SCFD2: variants seen among roughly 807,000 people sequenced by gnomAD.
The protein encoded by SCFD2 is sec1 family domain-containing protein 2.
Under a neutral mutation model 58.9 loss-of-function variants are expected in SCFD2, and 54 were observed. The ratio of observed to expected loss-of-function variants is 0.92; its 90% CI spans 0.74 to 1.15. SCFD2 has a LOEUF of 1.15. Ranked by LOEUF, SCFD2 falls within the 50% of genes most tolerant of loss-of-function variation. The probability of loss-of-function intolerance (pLI) is 0.00; values close to 1 mark genes in which losing one functional copy is unlikely to be tolerated. For missense variants in SCFD2, 805 were observed against 836.6 expected (o/e 0.96, Z 0.47); for synonymous variants, 321 against 335.9 (o/e 0.96, Z 0.49).
chr4:53,116,733 T>A (rs1384870299), intron 5 of SCFD2, among the ~76,000 whole-genome samples: 1 of 152,190 alleles, frequency 6.6e-6, no homozygotes, highest in African/African-American at 2.4e-5. Flanking sequence ...ATTAATTCAG[T>A]TGGATTTTCT....
At chr4:53,105,273 A>G (rs185474653) in intron 5 of SCFD2, among the ~76,000 whole-genome samples, 3 of 151,994 alleles carry the variant, frequency 2.0e-5, no homozygotes, top group South Asian at 2.1e-4. Flanking sequence ...TTGGGCAGAC[A>G]CCGAGCTAGC....
chr4:53,124,571 C>A (rs1231765476), intron 5 of SCFD2, among the ~76,000 whole-genome samples: 1 of 152,042 alleles, frequency 6.6e-6, no homozygotes, highest in Non-Finnish European at 1.5e-5. Flanking sequence ...TTTGGCTTAT[C>A]GGGATTAGAG....
At chr4:53,302,283 C>A (rs9762074) in intron 3 of SCFD2, among the ~76,000 whole-genome samples, 2 of 152,052 alleles carry the variant, frequency 1.3e-5, no homozygotes, top group Admixed American at 1.3e-4. Context: ...GTGCAAAAAT[C>A]ACAAGCATTC....
intron 5 of SCFD2, among the ~76,000 whole-genome samples, chr4:53,116,186 T>C (rs1360644037): frequency 6.6e-6 from 1 of 152,204 alleles, no homozygotes; most frequent in African/African-American, 2.4e-5. Flanking sequence ...AGAGGATGTA[T>C]GTTAGTCAGG....
chr4:53,337,729 T>A (rs1324196975), intron 2 of SCFD2, among the ~76,000 whole-genome samples: 2 of 152,312 alleles, frequency 1.3e-5, no homozygotes, highest in East Asian at 3.9e-4. Flanking sequence ...AAAATACTAC[T>A]ATGTAGCATT....
At position 53,157,860 on chromosome 4, in the gene SCFD2, C is replaced by T. The variant is rs538758018; in HGVS notation, c.1312-12278G>A. Among the ~76,000 whole-genome samples, 25 of 152,290 alleles carry T rather than the reference C, an allele frequency of 1.6e-4. 1 individual carries two copies. The South Asian group carries it at 4.4e-3, about 27-fold the overall frequency. ...AGTGGTTGTAATCCAGCTTCATCTACGTTGTTAGAGAGAAAGGCTGAGAAA... is the reference window on the plus strand; with the variant it reads ...AGTGGTTGTAATCCAGCTTCATCTATGTTGTTAGAGAGAAAGGCTGAGAAA... On this transcript the variant is annotated intron_variant, in intron 4 of 8. Coordinates refer to ENST00000401642, the MANE Select transcript of SCFD2 (RefSeq NM_152540.4).
chr4:52,886,763 A>T (rs1718751121), intron 7 of SCFD2, among the ~76,000 whole-genome samples: 1 of 152,266 alleles, frequency 6.6e-6, no homozygotes, highest in Non-Finnish European at 1.5e-5. Flanking sequence ...GAACTCATTG[A>T]CCAGGAAAAT....
At chr4:53,344,308 G>T (rs971021720) in intron 2 of SCFD2, among the ~76,000 whole-genome samples, 2 of 152,072 alleles carry the variant, frequency 1.3e-5, no homozygotes, top group African/African-American at 2.4e-5. Flanking sequence ...ACCGATAACA[G>T]ACAAACTGAG....
intron 5 of SCFD2, among the ~76,000 whole-genome samples, chr4:53,100,972 A>AT (rs1193439929): frequency 6.6e-6 from 1 of 152,168 alleles, no homozygotes; most frequent in Non-Finnish European, 1.5e-5. Context: ...CAGTTGAGAG[A>AT]TTAAGTATAA....
intron 4 of SCFD2, among the ~76,000 whole-genome samples, chr4:53,222,811 G>C (rs1729087193): frequency 6.6e-6 from 1 of 152,142 alleles, no homozygotes; most frequent in Non-Finnish European, 1.5e-5. Flanking sequence ...TTTGTATTGT[G>C]TCCTATCTGG....
intron 5 of SCFD2, among the ~76,000 whole-genome samples, chr4:53,034,795 C>A (rs1212028539): frequency 6.6e-6 from 1 of 152,136 alleles, no homozygotes. Context: ...TCAAGGAGAA[C>A]TACAAACCAC....
At chr4:53,053,046 G>A (rs1288058019) in intron 5 of SCFD2, among the ~76,000 whole-genome samples, 7 of 152,056 alleles carry the variant, frequency 4.6e-5, no homozygotes, top group Non-Finnish European at 1.0e-4. Flanking sequence ...CCAACATGGT[G>A]AAACCCTGTC....
intron 5 of SCFD2, among the ~76,000 whole-genome samples, chr4:53,017,008 T>TGAGGCAGGAGAATTGCTTG (rs1722228958): frequency 6.6e-6 from 1 of 152,236 alleles, no homozygotes; most frequent in East Asian, 1.9e-4. Flanking sequence ...CTTGGGAGGC[T>TGAGGCAGGAGAATTGCTTG]GAGGCAGGAG....
At chr4:52,913,385 G>T (rs919457843) in intron 6 of SCFD2, among the ~76,000 whole-genome samples, 1 of 152,112 alleles carries the variant, frequency 6.6e-6, no homozygotes, top group Non-Finnish European at 1.5e-5. Context: ...ATTCTCCTAG[G>T]ATCACAAACC....
In SCFD2 at chr4:53,000,613, G is replaced by A. The variant is rs565004081; in HGVS notation, c.1562-79743C>T. On this transcript the variant is annotated intron_variant, in intron 5 of 8. Coordinates refer to ENST00000401642, the MANE Select transcript of SCFD2 (RefSeq NM_152540.4). Reference sequence around the variant, plus strand: ...AGTTCCAAAGTTCCCAGGCCATAGCGCCAAGCATCACGTTACCCAGAGTCT... The same window carrying A: ...AGTTCCAAAGTTCCCAGGCCATAGCACCAAGCATCACGTTACCCAGAGTCT... Among the ~76,000 whole-genome samples, 7 of 152,302 alleles carry A rather than the reference G, an allele frequency of 4.6e-5. No individual in the cohort carries two copies. The East Asian group carries it at 9.6e-4, about 21-fold the overall frequency.
chr4:53,311,660 G>A (rs557966835), intron 3 of SCFD2, among the ~76,000 whole-genome samples: 3 of 149,058 alleles, frequency 2.0e-5, no homozygotes, highest in South Asian at 2.1e-4. Flanking sequence ...TTTTTTAAAC[G>A]GTGTCTCACT....
At chr4:53,273,354 T>A (rs1177340961) in intron 4 of SCFD2, among the ~76,000 whole-genome samples, 1 of 152,216 alleles carries the variant, frequency 6.6e-6, no homozygotes, top group Admixed American at 6.5e-5. Flanking sequence ...CATACAAATA[T>A]CTGTATAAAC....
intron 5 of SCFD2, among the ~76,000 whole-genome samples, chr4:52,987,556 G>A (rs1332416395): frequency 2.0e-5 from 3 of 152,082 alleles, no homozygotes; most frequent in Non-Finnish European, 2.9e-5. Flanking sequence ...TCTTTAAACA[G>A]AGTTCATGGA....
At chr4:53,340,120 A>AGGACAGTGGGGGCC in intron 2 of SCFD2, among the ~76,000 whole-genome samples, 1 of 152,048 alleles carries the variant, frequency 6.6e-6, no homozygotes, top group Non-Finnish European at 1.5e-5. Context: ...CAGTGGGGGC[A>AGGACAGTGGGGGCC]GGACAGTGGG....
Sources: gnomAD v4.1 joint callset for allele counts (sites outside exome capture counted in the v4.1 genomes callset) on GRCh38, gnomAD v4.1.1 for gene constraint, MANE v1.5 for transcripts, NCBI Gene and HGNC (gene_info 2026-07-23, HGNC 2026-07-21) for gene names.